The following SCARB2 variants were observed in gnomAD, a reference collection of about 807,000 sequenced individuals.
SCARB2 encodes the protein scavenger receptor class B member 2.
A neutral mutation model predicts 58.6 loss-of-function variants in SCARB2; 29 were observed. The ratio of observed to expected loss-of-function variants is 0.49; its 90% confidence interval spans 0.37 to 0.67. The LOEUF (loss-of-function observed/expected upper bound fraction) is 0.67, where lower values mean the gene tolerates loss of function less well. Ranked by LOEUF, SCARB2 falls within the 30% of genes least tolerant of loss-of-function variation. The probability of loss-of-function intolerance (pLI) is 0.00; values close to 1 mark genes in which losing one functional copy is unlikely to be tolerated. For missense variants in SCARB2, 488 were observed against 578.5 expected, an observed-to-expected ratio of 0.84 and a Z score of 1.60; for synonymous variants, 195 against 210.1, an observed-to-expected ratio of 0.93 and a Z score of 0.62.
chr4:76,163,507 T>A, intron 10 of SCARB2, 124 bp from the exon 11 acceptor site: 1 of 968,686 alleles, frequency 1.0e-6, no homozygotes, highest in Non-Finnish European at 1.6e-6. Context: ...CCAAACATAC[T>A]GAAAATCCAT....
At chr4:76,171,433 C>T (rs1365791597) in intron 7 of SCARB2, among the ~76,000 whole-genome samples, 2 of 152,120 alleles carry the variant, frequency 1.3e-5, no homozygotes, top group Non-Finnish European at 2.9e-5. Context: ...AGGACTCAAA[C>T]CCAATCTGCC....
intron 9 of SCARB2, among the ~76,000 whole-genome samples, chr4:76,167,683 G>GC (rs1732039388): frequency 1.1e-4 from 1 of 8,976 alleles, no homozygotes; most frequent in African/African-American, 4.1e-4. Flanking sequence ...CCCCCCCCCC[G>GC]CTTTTTTTTT....
At chr4:76,209,224 C>A (rs757022458) in intron 1 of SCARB2, among the ~76,000 whole-genome samples, 8 of 152,016 alleles carry the variant, frequency 5.3e-5, no homozygotes, top group African/African-American at 7.2e-5. Context: ...CAAGAAGGAG[C>A]CTTTTAAAAT....
intron 7 of SCARB2, chr4:76,172,595 C>T (rs917506142): frequency 1.3e-5 from 2 of 152,056 alleles, no homozygotes; most frequent in African/African-American, 4.8e-5. Flanking sequence ...GATGTAAAGC[C>T]AGGTGTGGGG....
intron 4 of SCARB2, 180 bp downstream of exon 4, chr4:76,179,337 A>G (rs1482479919): frequency 3.3e-6 from 2 of 601,930 alleles, no homozygotes; most frequent in Non-Finnish European, 5.9e-6. Flanking sequence ...TACAGGCATT[A>G]GCCACCGCAC....
At chr4:76,168,293 G>A (rs1489296442) in intron 9 of SCARB2, 110 bp downstream of exon 9, 5 of 846,188 alleles carry the variant, frequency 5.9e-6, no homozygotes, top group Middle Eastern at 4.4e-4. Context: ...CTGAAGGGCA[G>A]GGGTGAGCAG....
intron 1 of SCARB2, among the ~76,000 whole-genome samples, chr4:76,201,533 G>C (rs1002635234): frequency 2.0e-5 from 3 of 152,176 alleles, no homozygotes; most frequent in African/African-American, 7.2e-5. Context: ...GTTCTTCTTG[G>C]TAAAATCTTC....
intron 4 of SCARB2, among the ~76,000 whole-genome samples, chr4:76,177,339 TAAAA>T (rs1208141818): frequency 7.3e-6 from 1 of 137,170 alleles, no homozygotes; most frequent in African/African-American, 2.7e-5. Context: ...GGAGGGCAAT[TAAAA>T]AAAAAAAAAA....
intron 2 of SCARB2, among the ~76,000 whole-genome samples, chr4:76,189,317 A>C (rs891873857): frequency 6.6e-6 from 1 of 152,212 alleles, no homozygotes; most frequent in African/African-American, 2.4e-5. Flanking sequence ...CCTGAGACTG[A>C]GTCATTTATA....
intron 1 of SCARB2, among the ~76,000 whole-genome samples, chr4:76,233,863 G>A: frequency 8.6e-6 from 1 of 116,180 alleles, no homozygotes; most frequent in Non-Finnish European, 1.8e-5. Context: ...TAGTTGGTTG[G>A]GGGGGGCTTG....
upstream of SCARB2, chr4:76,217,757 C>G: frequency 4.1e-6 from 2 of 486,490 alleles, no homozygotes; most frequent in Non-Finnish European, 7.4e-6. Context: ...CAAGGAGATA[C>G]GGTGATCTCT....
chr4:76,204,881 T>C (rs1732897913), intron 1 of SCARB2, among the ~76,000 whole-genome samples: 2 of 152,210 alleles, frequency 1.3e-5, no homozygotes. Context: ...CTGTTGATTA[T>C]CAGAAGTACA....
intron 1 of SCARB2, among the ~76,000 whole-genome samples, chr4:76,201,381 C>CTG (rs1308692093): frequency 6.6e-6 from 1 of 152,086 alleles, no homozygotes; most frequent in East Asian, 1.9e-4. Context: ...ATACTAAGAA[C>CTG]TGTATCTTTT....
rs184147756 is a variant in SCARB2, at chr4:76,184,203, C to A, written c.276-3102G>T. On this transcript the variant is annotated intron_variant, in intron 2 of 11. Transcript: ENST00000264896. Reference sequence around the variant, plus strand: ...ACAGGCAGAAGAGTGAGAACTTGATCCCAAGTCTTTCTCATTAGCACAAGG... The same window carrying A: ...ACAGGCAGAAGAGTGAGAACTTGATACCAAGTCTTTCTCATTAGCACAAGG... Among the ~76,000 whole-genome samples the A allele has an allele frequency of 1.1e-3, 168 of 152,256 alleles. 2 individuals carry two copies. The highest frequency in any genetic ancestry group is 4.6e-4 in the Non-Finnish European group (31 of 68,020).
chr4:76,177,214 T>C (rs1009814007), intron 4 of SCARB2: 2 of 152,052 alleles, frequency 1.3e-5, no homozygotes, highest in African/African-American at 4.8e-5. Context: ...GAAGAGACAT[T>C]TCTGAAAAGA....
At chr4:76,174,397 A>C in intron 6 of SCARB2, 84 bp from the exon 7 acceptor site, 4 of 1,285,122 alleles carry the variant, frequency 3.1e-6, no homozygotes, top group Non-Finnish European at 4.5e-6. Context: ...AACAGTTCTC[A>C]GGTACAACAT....
At chr4:76,207,914 T>C (rs1732961744) in intron 1 of SCARB2, among the ~76,000 whole-genome samples, 1 of 152,252 alleles carries the variant, frequency 6.6e-6, no homozygotes, top group Non-Finnish European at 1.5e-5. Context: ...TGCAGATTAA[T>C]AGTAATTATA....
chr4:76,185,432 G>A (rs1360344396), intron 2 of SCARB2, among the ~76,000 whole-genome samples: 1 of 152,198 alleles, frequency 6.6e-6, no homozygotes, highest in African/African-American at 2.4e-5. Flanking sequence ...TGCCCGGCAT[G>A]GTCCCTGGTA....
chr4:76,176,394 G>A (rs1404274767), intron 5 of SCARB2, 43 bp downstream of exon 5: 6 of 1,419,330 alleles, frequency 4.2e-6, no homozygotes, highest in Non-Finnish European at 5.0e-6. Flanking sequence ...TAGTTTAAAT[G>A]AAAACTGAAA....
Sources: allele counts gnomAD v4.1 joint callset (sites outside exome capture counted in the v4.1 genomes callset), GRCh38; gene constraint gnomAD v4.1.1; transcripts MANE v1.5; gene names NCBI Gene and HGNC (gene_info 2026-07-23, HGNC 2026-07-21).